The following TMEM181 variants were observed in gnomAD, a reference collection of about 807,000 sequenced individuals.
TMEM181 encodes the protein G protein-coupled receptor 178.
A neutral mutation model predicts 71.9 loss-of-function variants in TMEM181; 39 were observed. The ratio of observed to expected loss-of-function variants is 0.54; its 90% CI spans 0.42 to 0.71. The LOEUF is 0.71. Among genes scored for constraint, TMEM181 ranks in the 30% least tolerant of loss-of-function variants. TMEM181 has a pLI of 0.00. For missense variants in TMEM181, 595 were observed against 583.0 expected, an observed-to-expected ratio of 1.02 and a Z score of -0.21; for synonymous variants, 245 against 228.8, an observed-to-expected ratio of 1.07 and a Z score of -0.64.
At chr6:158,625,669 TC>T in intron 12 of TMEM181, 33 bp from the exon 13 acceptor site, 1 of 1,570,616 alleles carries the variant, frequency 6.4e-7, no homozygotes, top group Non-Finnish European at 8.7e-7. Flanking sequence ...GGAATTTACT[TC>T]CAGAGTTGTT....
rs1217195595 is a variant in TMEM181 at position 158,632,491 on chromosome 6, C to T, written c.*603C>T. ...GGAATGGGAGATGCTGGGGTTCCAACCCTTCACGTCACCAAAGGGGAAGTA... is the reference window on the plus strand; with the variant it reads ...GGAATGGGAGATGCTGGGGTTCCAATCCTTCACGTCACCAAAGGGGAAGTA... On this transcript the variant is annotated 3_prime_UTR_variant, in exon 17 of 17. Transcript: ENST00000684151. The T allele has an allele frequency of 6.5e-6, 1 of 152,724 alleles. No homozygotes were observed. The highest frequency in any genetic ancestry group is 1.5e-5 in the Non-Finnish European group (1 of 68,406). 9.5% of individuals were successfully genotyped at this position (152,724 alleles called of 1,614,324 possible). A position where few individuals can be genotyped will look rare whatever the true frequency, so the allele number is the denominator to read the frequency against.
chr6:158,586,727 C>T (rs143700442), intron 5 of TMEM181, among the ~76,000 whole-genome samples: 495 of 152,270 alleles, frequency 3.3e-3, no homozygotes, highest in African/African-American at 0.011. Flanking sequence ...GTGGGAGGAT[C>T]ACGTGGGACT....
At chr6:158,558,611 G>A (rs1250899467), upstream of TMEM181, among the ~76,000 whole-genome samples, 1 of 152,222 alleles carries the variant, frequency 6.6e-6, no homozygotes, top group East Asian at 1.9e-4. Context: ...CTCACTGGCT[G>A]TGATTGGCTG....
At chr6:158,555,175 G>A (rs900083481), upstream of TMEM181, among the ~76,000 whole-genome samples, 15 of 152,184 alleles carry the variant, frequency 9.9e-5, no homozygotes, top group Non-Finnish European at 1.6e-4. Context: ...TTTCCTTCCT[G>A]TGTTTGTTTG....
intron 3 of TMEM181, among the ~76,000 whole-genome samples, chr6:158,583,656 T>C (rs770718053): frequency 3.9e-5 from 6 of 152,214 alleles, no homozygotes; most frequent in East Asian, 1.9e-4. Flanking sequence ...AAAAATTAGC[T>C]GGACGTGGTG....
At chr6:158,592,426 C>G (rs1326463605) in intron 6 of TMEM181, among the ~76,000 whole-genome samples, 2 of 151,880 alleles carry the variant, frequency 1.3e-5, no homozygotes, top group Non-Finnish European at 2.9e-5. Flanking sequence ...AGTAGGATTG[C>G]TTGAGCCCAG....
chr6:158,572,514 C>T (rs1782918650), intron 1 of TMEM181: 1 of 456,054 alleles, frequency 2.2e-6, no homozygotes, highest in Non-Finnish European at 4.4e-6. Context: ...GCCGGCCACA[C>T]CCCTTTTGTC....
chr6:158,629,719 G>A lies in TMEM181; in HGVS notation c.1193-11G>A. ...GTCCAGATGCCGCGTTCCTTCCCTTGACAGCACCACCAGCCGAGTTCTTAT... is the reference window on the plus strand; with the variant it reads ...GTCCAGATGCCGCGTTCCTTCCCTTAACAGCACCACCAGCCGAGTTCTTAT... On this transcript the variant is annotated splice_polypyrimidine_tract_variant and intron_variant, in intron 14 of 16. Transcript: ENST00000684151. The A allele has an allele frequency of 6.3e-7, 1 of 1,599,782 alleles. No individual in the cohort carries two copies. Among genetic ancestry groups the A allele is most frequent in the Non-Finnish European group, 8.5e-7 (1 of 1,172,276 alleles).
Position 158,620,930 on chromosome 6 carries a change from G to C in TMEM181, c.897-2620G>C, listed in dbSNP as rs1785917165. On this transcript the variant is annotated intron_variant, in intron 10 of 16. Transcript: ENST00000684151. The surrounding 1 kb of genome is among the most constrained non-coding windows in gnomAD (Gnocchi z 4.5). ...TGAGAGGGCCTTCTGGCCAAGTTAG[G>C]TCAGAGGCACTCTCTTACGGGCTAA... Among the ~76,000 whole-genome samples the C allele has an allele frequency of 6.6e-6, 1 of 152,240 alleles. No individual in the cohort carries two copies. Among genetic ancestry groups the C allele is most frequent in the Non-Finnish European group, 1.5e-5 (1 of 68,046 alleles).
At chr6:158,616,010 A>G (rs1785592665) in intron 10 of TMEM181, among the ~76,000 whole-genome samples, 1 of 152,160 alleles carries the variant, frequency 6.6e-6, no homozygotes, top group African/African-American at 2.4e-5. Context: ...GTTTTTTCCA[A>G]TTCTGTGAAG....
intron 1 of TMEM181, among the ~76,000 whole-genome samples, chr6:158,541,121 A>G (rs1781324826): frequency 6.6e-6 from 1 of 151,978 alleles, no homozygotes; most frequent in Non-Finnish European, 1.5e-5. Context: ...GGTGAGTGAA[A>G]TATCTTGGAG....
rs1405362650 is a variant in TMEM181 at position 158,560,167 on chromosome 6, C to G, written c.-58C>G. 1.9e-5 allele frequency: 19 copies of G among 984,922 alleles called. No homozygotes were observed. Among genetic ancestry groups the G allele is most frequent in the Non-Finnish European group, 2.0e-5 (17 of 829,768 alleles). 61.0% of individuals were successfully genotyped at this position (984,922 alleles called of 1,614,324 possible). ...GCGGCTGCCGCTGCCGAGGCTGCTG[C>G]GCGGCGCCTGGCGGGCTCGGGACGC... On this transcript the variant is annotated 5_prime_UTR_variant, in exon 1 of 17. Transcript: ENST00000684151.
At chr6:158,579,775 T>C (rs766405028) in intron 2 of TMEM181, among the ~76,000 whole-genome samples, 2 of 152,146 alleles carry the variant, frequency 1.3e-5, no homozygotes, top group Non-Finnish European at 2.9e-5. Context: ...AGCTATAATA[T>C]GGATGAATTT....
chr6:158,591,523 C>T (rs1176407300), intron 6 of TMEM181, among the ~76,000 whole-genome samples: 4 of 151,942 alleles, frequency 2.6e-5, no homozygotes, highest in Non-Finnish European at 5.9e-5. Context: ...TTCAGAGAAT[C>T]CGATTAGTAT....
chr6:158,577,166 C>T (rs913093629), intron 2 of TMEM181, among the ~76,000 whole-genome samples: 1 of 151,286 alleles, frequency 6.6e-6, no homozygotes, highest in South Asian at 2.1e-4. Flanking sequence ...GACCATATGA[C>T]AGATCTGTTA....
chr6:158,605,603 G>A (rs559302183), intron 7 of TMEM181, among the ~76,000 whole-genome samples: 146 of 152,266 alleles, frequency 9.6e-4, no homozygotes, highest in African/African-American at 3.2e-3. Context: ...GATCATGTGC[G>A]GTGAAAAGTG....
intron 6 of TMEM181, among the ~76,000 whole-genome samples, chr6:158,595,077 G>C (rs1006236424): frequency 1.3e-5 from 2 of 152,200 alleles, no homozygotes; most frequent in African/African-American, 4.8e-5. Context: ...AAAGCCATGG[G>C]ATGCATTGCA....
chr6:158,559,593 G>C (rs1030470289), upstream of TMEM181, among the ~76,000 whole-genome samples: 2 of 152,220 alleles, frequency 1.3e-5, no homozygotes, highest in African/African-American at 4.8e-5. Context: ...CTGCAGTCTA[G>C]AAGCGGCTTG....
exon 1 of TMEM181, chr6:158,536,830 G>A (rs764697485): frequency 6.5e-7 from 1 of 1,549,958 alleles, no homozygotes; most frequent in Non-Finnish European, 8.7e-7. Context: ...AGCTCAAGGA[G>A]GACCTCACGC....
Sources: gnomAD v4.1 joint callset for allele counts (sites outside exome capture counted in the v4.1 genomes callset) on GRCh38, gnomAD v4.1.1 for gene constraint, Gnocchi (gnomAD v3.1) non-coding constraint, MANE v1.5 for transcripts, NCBI Gene and HGNC (gene_info 2026-07-23, HGNC 2026-07-21) for gene names.